The following RNF144A variants were observed in gnomAD, a reference collection of about 807,000 sequenced individuals.
The protein encoded by RNF144A is E3 ubiquitin-protein ligase RNF144A.
In RNF144A, 11 loss-of-function variants were observed where a neutral mutation model predicts 38.7. That is an observed-to-expected ratio of 0.28 (90% CI 0.18 to 0.47). RNF144A has a LOEUF of 0.47. RNF144A is among the 20% of genes least tolerant of loss of function. RNF144A has a pLI of 0.99. For missense variants in RNF144A, 316 were observed against 377.2 expected, an observed-to-expected ratio of 0.84 and a Z score of 1.34; for synonymous variants, 149 against 143.9, an observed-to-expected ratio of 1.04 and a Z score of -0.25.
At chr2:7,073,980 A>G in the RNF144A span, among the ~76,000 whole-genome samples, 154 of 152,304 alleles carry the variant, frequency 1.0e-3, no homozygotes, top group African/African-American at 3.7e-3. Flanking sequence ...TTCGTTTATC[A>G]TCCCCCTTAC....
At chr2:6,940,661 C>T (rs1797557) in intron 1 of RNF144A, among the ~76,000 whole-genome samples, 127,430 of 152,100 alleles carry the variant, frequency 0.84, 54,154 homozygotes, top group Non-Finnish European at 0.92. Context: ...TGGGCAAAGC[C>T]GAATGGCTGT....
intron 1 of RNF144A, among the ~76,000 whole-genome samples, chr2:6,939,612 G>A (rs1324342999): frequency 6.6e-6 from 1 of 151,896 alleles, no homozygotes; most frequent in Admixed American, 6.6e-5. Flanking sequence ...TCTTGTTTGA[G>A]CTTTTAGCAC....
intron 8 of RNF144A, among the ~76,000 whole-genome samples, chr2:7,031,259 T>A (rs1417642072): frequency 6.6e-6 from 1 of 152,226 alleles, no homozygotes; most frequent in Non-Finnish European, 1.5e-5. Flanking sequence ...AACTTGTGCT[T>A]TCAACACATA....
chr2:7,009,456 C>T (rs528329454), intron 3 of RNF144A, among the ~76,000 whole-genome samples: 5 of 151,078 alleles, frequency 3.3e-5, no homozygotes, highest in African/African-American at 1.2e-4. Flanking sequence ...CAGGAGGCGG[C>T]GGGTCTAAAG....
In RNF144A at chr2:6,944,364, G is replaced by A. The variant is rs966473748; in HGVS notation, c.-12+3217G>A. Among the ~76,000 whole-genome samples, 3 of 152,020 alleles carry A rather than the reference G, an allele frequency of 2.0e-5. No individual in the cohort carries two copies. Among genetic ancestry groups the A allele is most frequent in the Admixed American group, 1.3e-4 (2 of 15,262 alleles). ...ATCCTGTCTCACGTTTTCATGGTCCGTACTTTAAAAGGGCTGCTGGAGAGA... is the reference window on the plus strand; with the variant it reads ...ATCCTGTCTCACGTTTTCATGGTCCATACTTTAAAAGGGCTGCTGGAGAGA... On this transcript the variant is annotated intron_variant, in intron 2 of 8. Transcript: ENST00000320892. This position sits in a 1 kb window ranked among gnomAD's most constrained non-coding sequence, Gnocchi z 4.7.
chr2:7,048,158 G>T (rs1009078807), downstream of RNF144A, among the ~76,000 whole-genome samples: 5 of 152,102 alleles, frequency 3.3e-5, no homozygotes, highest in African/African-American at 1.2e-4. Flanking sequence ...AAATCCTGAG[G>T]GGGAAATAGC....
At chr2:6,999,081 A>G (rs388038) in intron 3 of RNF144A, among the ~76,000 whole-genome samples, 124,759 of 152,254 alleles carry the variant, frequency 0.82, 51,248 homozygotes, top group South Asian at 0.93. Flanking sequence ...AAGCCACTCA[A>G]ATTGAGACCA....
intron 2 of RNF144A, among the ~76,000 whole-genome samples, chr2:6,950,431 C>G (rs1050199242): frequency 2.6e-5 from 4 of 152,188 alleles, no homozygotes; most frequent in African/African-American, 9.7e-5. Context: ...CATGCATTCT[C>G]CTGCCATTGG....
chr2:6,936,027 T>C (rs933596271), intron 1 of RNF144A, among the ~76,000 whole-genome samples: 2 of 152,246 alleles, frequency 1.3e-5, no homozygotes, highest in Non-Finnish European at 2.9e-5. Flanking sequence ...TTTTCACTGC[T>C]TTCACTGTTC....
At chr2:7,033,599 T>C (rs1672467133) in intron 8 of RNF144A, among the ~76,000 whole-genome samples, 1 of 152,224 alleles carries the variant, frequency 6.6e-6, no homozygotes, top group Non-Finnish European at 1.5e-5. Context: ...TGCCCAGCTC[T>C]GCACATCCAC....
chr2:7,058,743 A>G (rs1673839192), intron 6 of RNF144A, among the ~76,000 whole-genome samples: 1 of 152,212 alleles, frequency 6.6e-6, no homozygotes, highest in African/African-American at 2.4e-5. Context: ...AAAGGTGAAT[A>G]TATTGCAGTT....
At chr2:6,960,389 C>T (rs1667263640) in intron 2 of RNF144A, among the ~76,000 whole-genome samples, 1 of 152,138 alleles carries the variant, frequency 6.6e-6, no homozygotes, top group Admixed American at 6.5e-5. Context: ...GAAAGGCATA[C>T]CATGAAGGGA....
chr2:7,048,075 C>T (rs944890073), downstream of RNF144A, among the ~76,000 whole-genome samples: 7 of 152,140 alleles, frequency 4.6e-5, no homozygotes, highest in Admixed American at 2.0e-4. Flanking sequence ...ATCTGAAGAT[C>T]GCATCCCAGG....
At position 7,024,980 on chromosome 2, in the gene RNF144A, G is replaced by A. The variant is rs532254616; in HGVS notation, c.657+464G>A. Among the ~76,000 whole-genome samples the A allele has an allele frequency of 2.0e-5, 3 of 151,820 alleles. No individual in the cohort carries two copies. The South Asian group carries it at 6.2e-4, about 32-fold the overall frequency. ...CCTTCCTGGTGTTCAGGATAGTGAG[G>A]ACAGACAGAAGTGGGGGCTGGGGGG... On this transcript the variant is annotated intron_variant, in intron 7 of 8. Transcript: ENST00000320892.
In RNF144A at chr2:7,056,703, A is replaced by G. The variant is rs563054559; in HGVS notation, c.735-11513A>G. On this transcript the variant is annotated intron_variant, in intron 6 of 6. Transcript: ENST00000432850. ...TCCCCTGTGTTAGGGAATCCCCACT[A>G]CACATTTTGTTCAGTCCTTGGGGCC... is the stretch of plus-strand genomic sequence containing the variant. Among the ~76,000 whole-genome samples, 4 of 152,142 alleles carry G rather than the reference A, an allele frequency of 2.6e-5. No homozygotes were observed. In the South Asian group the frequency reaches 8.3e-4, roughly 32 times the overall value.
At chr2:7,039,000 TA>T (rs1158105561) in intron 8 of RNF144A, among the ~76,000 whole-genome samples, 1 of 151,352 alleles carries the variant, frequency 6.6e-6, no homozygotes, top group African/African-American at 2.4e-5. Context: ...GATGGATGGG[TA>T]AATGGATGGG....
chr2:6,998,696 A>G (rs1669913903), intron 3 of RNF144A, among the ~76,000 whole-genome samples: 1 of 152,232 alleles, frequency 6.6e-6, no homozygotes, highest in Non-Finnish European at 1.5e-5. Context: ...TCTGAGATGG[A>G]GAAGGATAGG....
chr2:7,042,759 A>T lies in RNF144A; in HGVS notation c.*2999A>T, dbSNP rs1195381015. The T allele has an allele frequency of 2.0e-6, 2 of 985,400 alleles. No homozygotes were observed. The highest frequency in any genetic ancestry group is 3.5e-5 in the African/African-American group (2 of 57,260). 61.0% of individuals were successfully genotyped at this position (985,400 alleles called of 1,614,324 possible). On this transcript the variant is annotated 3_prime_UTR_variant, in exon 9 of 9. Coordinates refer to ENST00000320892, the MANE Select transcript of RNF144A (RefSeq NM_014746.6). ...AGCAGAGACTGACTTAGGATCTGAG[A>T]TAAAGCATCGGATTGCAGGAATAAC...
At chr2:7,021,457 A>G (rs1365087593) in intron 6 of RNF144A, among the ~76,000 whole-genome samples, 1 of 151,144 alleles carries the variant, frequency 6.6e-6, no homozygotes, top group Non-Finnish European at 1.5e-5. Flanking sequence ...CTAGCCCCCG[A>G]CCCTCTCAGG....
Sources: gnomAD v4.1 joint callset for allele counts (sites outside exome capture counted in the v4.1 genomes callset) on GRCh38, gnomAD v4.1.1 for gene constraint, Gnocchi (gnomAD v3.1) non-coding constraint, MANE v1.5 for transcripts, NCBI Gene and HGNC (gene_info 2026-07-23, HGNC 2026-07-21) for gene names.